Variants in COL19A1 observed in about 807,000 individuals in gnomAD.
The protein encoded by COL19A1 is collagen type XIX alpha 1 chain.
In COL19A1, 159 loss-of-function variants were observed where a neutral mutation model predicts 190.2. The observed-to-expected ratio is 0.84, with a 90% CI of 0.73 to 0.95. The LOEUF is 0.95. Among genes scored for constraint, COL19A1 ranks in the 40% least tolerant of loss-of-function variants. The pLI, the probability that COL19A1 is intolerant of heterozygous loss-of-function variation, is 0.00. For missense variants in COL19A1, 1,418 were observed against 1,431.9 expected, an observed-to-expected ratio of 0.99 and a Z score of 0.16; for synonymous variants, 509 against 458.9, an observed-to-expected ratio of 1.11 and a Z score of -1.39.
At chr6:70,089,099 A>G (rs1202214503) in intron 15 of COL19A1, among the ~76,000 whole-genome samples, 1 of 152,182 alleles carries the variant, frequency 6.6e-6, no homozygotes, top group East Asian at 1.9e-4. Flanking sequence ...AGATCTTGAC[A>G]TCAAATAGAT....
chr6:69,953,646 A>G (rs2150037396), intron 9 of COL19A1, among the ~76,000 whole-genome samples: 1 of 152,120 alleles, frequency 6.6e-6, no homozygotes, highest in East Asian at 1.9e-4. Context: ...CCTTCCACTC[A>G]CACCCCAAGT....
chr6:69,873,839 T>C (rs1310481481), intron 1 of COL19A1, among the ~76,000 whole-genome samples: 2 of 152,168 alleles, frequency 1.3e-5, no homozygotes, highest in Admixed American at 1.3e-4. Context: ...CTGTGAGCCA[T>C]CTTTGGACAA....
At chr6:69,967,043 GTTCT>G (rs1775154881) in intron 11 of COL19A1, among the ~76,000 whole-genome samples, 3 of 152,174 alleles carry the variant, frequency 2.0e-5, no homozygotes, top group African/African-American at 7.2e-5. Context: ...TGTCACTCAA[GTTCT>G]AACTTGAAGT....
chr6:70,120,074 G>A (rs190950000), intron 16 of COL19A1, among the ~76,000 whole-genome samples: 1 of 152,306 alleles, frequency 6.6e-6, no homozygotes, highest in Admixed American at 6.5e-5. Flanking sequence ...CTGGGTGACA[G>A]AGTGAGACTC....
chr6:70,052,356 A>G (rs1280279805), intron 14 of COL19A1, among the ~76,000 whole-genome samples: 6 of 152,168 alleles, frequency 3.9e-5, no homozygotes, highest in Admixed American at 2.0e-4. Context: ...CACTCACAAG[A>G]TAAATAGAAA....
chr6:69,925,747 C>A (rs957883557), intron 4 of COL19A1, among the ~76,000 whole-genome samples: 6 of 151,972 alleles, frequency 3.9e-5, no homozygotes, highest in Non-Finnish European at 5.9e-5. Flanking sequence ...TTGTTTGTAT[C>A]CTCTTTTATT....
intron 16 of COL19A1, among the ~76,000 whole-genome samples, chr6:70,104,716 A>G (rs1783848685): frequency 6.6e-6 from 1 of 152,248 alleles, no homozygotes; most frequent in African/African-American, 2.4e-5. Context: ...AAAGAAGAAA[A>G]GCTGGTGAAT....
chr6:70,168,648 C>T lies in COL19A1; in HGVS notation c.2542-7C>T. The T allele has an allele frequency of 6.2e-7, 1 of 1,612,554 alleles. No homozygotes were observed. The highest frequency in any genetic ancestry group is 8.5e-7 in the Non-Finnish European group (1 of 1,179,370). On this transcript the variant is annotated splice_region_variant and splice_polypyrimidine_tract_variant and intron_variant, in intron 39 of 50. Coordinates refer to ENST00000620364, the MANE Select transcript of COL19A1 (RefSeq NM_001858.6). The stretch of plus-strand genomic sequence containing the variant: ...TTGAAAAATGACTTTCCATGTTTCT[C>T]TTACAGGGCCCAAAAGGCGATCCTG...
At chr6:69,996,679 ATAAT>A (rs928381903) in intron 11 of COL19A1, among the ~76,000 whole-genome samples, 6 of 152,102 alleles carry the variant, frequency 3.9e-5, no homozygotes, top group Non-Finnish European at 5.9e-5. Context: ...CTGATTCTTA[ATAAT>A]TAATCAAAAC....
intron 11 of COL19A1, among the ~76,000 whole-genome samples, 187 bp from the exon 12 acceptor site, chr6:70,023,440 C>G (rs1778545728): frequency 6.6e-6 from 1 of 152,074 alleles, no homozygotes; most frequent in African/African-American, 2.4e-5. Context: ...CTGGCTGCAG[C>G]TTTTCTTCGA....
intron 11 of COL19A1, among the ~76,000 whole-genome samples, chr6:69,981,691 G>A (rs1776040538): frequency 6.6e-6 from 1 of 151,330 alleles, no homozygotes; most frequent in African/African-American, 2.4e-5. Context: ...CATAAATTTT[G>A]TATGTGTTTT....
intron 11 of COL19A1, among the ~76,000 whole-genome samples, chr6:70,007,462 T>A (rs1777703245): frequency 6.6e-6 from 1 of 151,880 alleles, no homozygotes; most frequent in Non-Finnish European, 1.5e-5. Context: ...CTATGACAAG[T>A]GACATTATTG....
intron 41 of COL19A1, among the ~76,000 whole-genome samples, chr6:70,175,385 G>A (rs928749531): frequency 6.6e-6 from 1 of 151,938 alleles, no homozygotes; most frequent in Non-Finnish European, 1.5e-5. Context: ...ACCAAAATCA[G>A]AATGTCACTA....
At chr6:69,903,184 C>A (rs568894165) in intron 4 of COL19A1, among the ~76,000 whole-genome samples, 1 of 152,192 alleles carries the variant, frequency 6.6e-6, no homozygotes, top group Non-Finnish European at 1.5e-5. Context: ...ACTACTTTAT[C>A]TACACCTGGT....
intron 49 of COL19A1, among the ~76,000 whole-genome samples, chr6:70,204,246 G>A (rs1342253949): frequency 6.6e-6 from 1 of 152,176 alleles, no homozygotes; most frequent in African/African-American, 2.4e-5. Flanking sequence ...GGTCCACGCT[G>A]AAGAGGTGAA....
intron 44 of COL19A1, among the ~76,000 whole-genome samples, chr6:70,181,734 A>C (rs1766190413): frequency 6.6e-6 from 1 of 151,864 alleles, no homozygotes; most frequent in Non-Finnish European, 1.5e-5. Flanking sequence ...AATATTATTC[A>C]AATAGTGGGC....
In COL19A1 at chr6:70,191,782, A is replaced by T. The variant is rs766248998; in HGVS notation, c.3094+1401A>T. On this transcript the variant is annotated intron_variant, in intron 48 of 50. Transcript: ENST00000620364. ...ATGGTTCCTACTTCCTTTGCTTAGC[A>T]TCCATAAGCCAAAAATAGATTGTTG... is the stretch of plus-strand genomic sequence containing the variant. Among the ~76,000 whole-genome samples the T allele has an allele frequency of 5.9e-4, 90 of 152,224 alleles. 1 individual carries two copies. Among genetic ancestry groups the T allele is most frequent in the Non-Finnish European group, 1.3e-4 (9 of 68,042 alleles).
chr6:70,144,534 T>C (rs1786483976), intron 24 of COL19A1, among the ~76,000 whole-genome samples: 1 of 152,132 alleles, frequency 6.6e-6, no homozygotes, highest in South Asian at 2.1e-4. Context: ...ACCTAAGAAG[T>C]CTCTTAATCT....
At chr6:70,204,301 G>A (rs147756792) in intron 49 of COL19A1, among the ~76,000 whole-genome samples, 106 of 152,274 alleles carry the variant, frequency 7.0e-4, no homozygotes, top group Non-Finnish European at 1.1e-3. Context: ...GACCTTGTTA[G>A]CATTCCTACA....
Sources: gnomAD v4.1 joint callset for allele counts (sites outside exome capture counted in the v4.1 genomes callset) on GRCh38, gnomAD v4.1.1 for gene constraint, MANE v1.5 for transcripts, NCBI Gene and HGNC (gene_info 2026-07-23, HGNC 2026-07-21) for gene names.